The following DOCK3 variants were observed in gnomAD, a reference collection of about 807,000 sequenced individuals.
DOCK3 encodes the protein dedicator of cytokinesis 3, also known as dedicator of cytokinesis protein 3.
DOCK3 carries 60 observed loss-of-function variants against 265.6 expected under a neutral mutation model. The ratio of observed to expected loss-of-function variants is 0.23; its 90% confidence interval spans 0.18 to 0.28. The LOEUF (loss-of-function observed/expected upper bound fraction) is 0.28, where lower values mean the gene tolerates loss of function less well. Ranked by LOEUF, DOCK3 falls within the 10% of genes least tolerant of loss-of-function variation. DOCK3 has a pLI of 1.00. For synonymous variants in DOCK3, 881 were observed against 938.0 expected (o/e 0.94, Z 1.11); for missense variants, 1,981 against 2,594.3 (o/e 0.76, Z 5.14).
At chr3:50,690,983 A>G (rs1188465390) in intron 1 of DOCK3, among the ~76,000 whole-genome samples, 2 of 151,792 alleles carry the variant, frequency 1.3e-5, no homozygotes, top group South Asian at 2.1e-4. Context: ...TAGATAACTC[A>G]TATAAATGTA....
chr3:51,159,370 C>A lies in DOCK3; in HGVS notation c.889+66C>A, dbSNP rs2086018923. On this transcript the variant is annotated intron_variant, in intron 11 of 52. Coordinates refer to ENST00000266037, the MANE Select transcript of DOCK3 (RefSeq NM_004947.5). ...CAACTTGGGATAAGTATGTCTTGTG[C>A]ATGAGCTTTGTTTTCTCCCTAGATC... 7 of 1,464,776 alleles carry A rather than the reference C, an allele frequency of 4.8e-6. No individual in the cohort carries two copies. In the African/African-American group the frequency reaches 5.6e-5, roughly 12 times the overall value. 90.7% of individuals were successfully genotyped at this position (1,464,776 alleles called of 1,614,324 possible). A position where few individuals can be genotyped will look rare whatever the true frequency, so the allele number is the denominator to read the frequency against.
chr3:50,729,059 A>G (rs542944085), intron 1 of DOCK3, among the ~76,000 whole-genome samples: 1 of 135,010 alleles, frequency 7.4e-6, no homozygotes, highest in African/African-American at 2.7e-5. Context: ...GGTGGCTCAT[A>G]CCTGTAATCC....
chr3:51,179,355 C>T (rs536365100), intron 12 of DOCK3, among the ~76,000 whole-genome samples: 3 of 152,214 alleles, frequency 2.0e-5, no homozygotes, highest in Non-Finnish European at 2.9e-5. Context: ...CAAAGGTCAA[C>T]CTTCATTCTC....
chr3:51,083,764 C>A (rs778705367), intron 7 of DOCK3, among the ~76,000 whole-genome samples: 30 of 152,122 alleles, frequency 2.0e-4, no homozygotes, highest in Non-Finnish European at 3.5e-4. Context: ...AGGTGGATCA[C>A]CTGAGGCCAA....
At chr3:51,235,433 A>G (rs2078311531) in intron 19 of DOCK3, among the ~76,000 whole-genome samples, 1 of 152,216 alleles carries the variant, frequency 6.6e-6, no homozygotes, top group Non-Finnish European at 1.5e-5. Flanking sequence ...TAGCTAGAAG[A>G]CAATGTAAAG....
intron 5 of DOCK3, among the ~76,000 whole-genome samples, chr3:51,037,721 G>T (rs1016482735): frequency 2.0e-5 from 3 of 152,054 alleles, no homozygotes; most frequent in Non-Finnish European, 4.4e-5. Context: ...TAATCAAATA[G>T]TTTTTGAGTA....
At chr3:50,742,513 A>G (rs1454102226) in intron 1 of DOCK3, among the ~76,000 whole-genome samples, 1 of 151,276 alleles carries the variant, frequency 6.6e-6, no homozygotes, top group Non-Finnish European at 1.5e-5. Flanking sequence ...GAGCTGATGG[A>G]GCTGAAAGCC....
At chr3:51,347,857 C>T (rs900527051) in intron 38 of DOCK3, among the ~76,000 whole-genome samples, 4 of 152,148 alleles carry the variant, frequency 2.6e-5, no homozygotes, top group Non-Finnish European at 5.9e-5. Flanking sequence ...TCCTTCACAT[C>T]CCTTGTAAGC....
At chr3:51,101,024 C>T (rs754851765) in intron 9 of DOCK3, among the ~76,000 whole-genome samples, 3 of 150,548 alleles carry the variant, frequency 2.0e-5, no homozygotes, top group Admixed American at 6.6e-5. Context: ...AGACTGATCT[C>T]GAACTCTTGG....
chr3:51,267,303 G>A (rs559553155), intron 23 of DOCK3, among the ~76,000 whole-genome samples: 135 of 151,934 alleles, frequency 8.9e-4, no homozygotes, highest in African/African-American at 3.1e-3. Context: ...GTGACCCAGC[G>A]ATCCCATTTC....
intron 5 of DOCK3, among the ~76,000 whole-genome samples, chr3:51,010,924 C>G (rs894061745): frequency 6.6e-6 from 1 of 152,098 alleles, no homozygotes; most frequent in Admixed American, 6.6e-5. Context: ...AAATTCTTTC[C>G]TTTAAGAATG....
At chr3:51,248,167 C>T (rs1266134769) in intron 22 of DOCK3, among the ~76,000 whole-genome samples, 14 of 152,094 alleles carry the variant, frequency 9.2e-5, no homozygotes, top group Non-Finnish European at 1.6e-4. Flanking sequence ...GAAACACATA[C>T]AATATATGTA....
intron 5 of DOCK3, among the ~76,000 whole-genome samples, chr3:50,959,880 C>T (rs1391824149): frequency 6.6e-6 from 1 of 152,160 alleles, no homozygotes; most frequent in Non-Finnish European, 1.5e-5. Flanking sequence ...ACGCCCAGCC[C>T]TCTATGTGTA....
At chr3:50,686,242 C>T (rs185417259) in intron 1 of DOCK3, among the ~76,000 whole-genome samples, 6 of 152,150 alleles carry the variant, frequency 3.9e-5, no homozygotes, top group East Asian at 1.9e-4. Flanking sequence ...GCCTTAATCT[C>T]GCTTTGGTTG....
chr3:51,137,937 T>G (rs1576205415), intron 9 of DOCK3, among the ~76,000 whole-genome samples: 1 of 151,798 alleles, frequency 6.6e-6, no homozygotes, highest in Non-Finnish European at 1.5e-5. Context: ...TTGACTCTCT[T>G]GGCCACAGTT....
intron 10 of DOCK3, among the ~76,000 whole-genome samples, chr3:51,151,039 A>G (rs569795307): frequency 6.6e-6 from 1 of 152,048 alleles, no homozygotes; most frequent in Admixed American, 6.5e-5. Flanking sequence ...TTCTTGTTGA[A>G]TTGATTCATT....
At chr3:51,155,336 A>G (rs927586912) in intron 10 of DOCK3, among the ~76,000 whole-genome samples, 2 of 152,174 alleles carry the variant, frequency 1.3e-5, no homozygotes, top group African/African-American at 2.4e-5. Flanking sequence ...TACAAAGCAC[A>G]CAAGATTTCT....
intron 5 of DOCK3, among the ~76,000 whole-genome samples, chr3:50,974,475 C>T (rs2077363341): frequency 6.6e-6 from 1 of 151,902 alleles, no homozygotes; most frequent in African/African-American, 2.4e-5. Flanking sequence ...TTTCTGAGGG[C>T]TCTGTTCTGT....
intron 5 of DOCK3, among the ~76,000 whole-genome samples, chr3:51,053,372 T>C (rs1044076097): frequency 5.3e-5 from 8 of 151,472 alleles, no homozygotes; most frequent in Admixed American, 1.3e-4. Flanking sequence ...CTCTTGTCCC[T>C]ACATACATAC....
Sources: gnomAD v4.1 joint callset for allele counts (sites outside exome capture counted in the v4.1 genomes callset) on GRCh38, gnomAD v4.1.1 for gene constraint, MANE v1.5 for transcripts, NCBI Gene and HGNC (gene_info 2026-07-23, HGNC 2026-07-21) for gene names.